Variants in EXOC1 observed in about 807,000 individuals in gnomAD.
The protein encoded by EXOC1 is exocyst complex component 1, also known as SEC3-like 1.
In EXOC1, 67 loss-of-function variants were observed where a neutral mutation model predicts 107.7. That is an observed-to-expected ratio of 0.62 (90% CI 0.51 to 0.76). The LOEUF (loss-of-function observed/expected upper bound fraction) is 0.76, where lower values mean the gene tolerates loss of function less well. EXOC1 is among the 30% of genes least tolerant of loss of function. EXOC1 has a pLI of 0.00. For missense variants in EXOC1, 833 were observed against 1,055.7 expected (o/e 0.79, Z 2.92); for synonymous variants, 348 against 353.5 (o/e 0.98, Z 0.17).
At chr4:55,857,341 G>A (rs1204464541) in intron 1 of EXOC1, among the ~76,000 whole-genome samples, 3 of 151,088 alleles carry the variant, frequency 2.0e-5, no homozygotes, top group Admixed American at 6.6e-5. Context: ...CACCATGCCC[G>A]GCTAATTTTT....
At position 55,862,756 on chromosome 4, in the gene EXOC1, A is replaced by G. The variant is rs28507328; in HGVS notation, c.256-1471A>G. Among the ~76,000 whole-genome samples the G allele has an allele frequency of 6.6e-3, 1,011 of 152,268 alleles. 12 individuals carry two copies. Among genetic ancestry groups the G allele is most frequent in the African/African-American group, 0.023 (970 of 41,550 alleles). On this transcript the variant is annotated intron_variant, in intron 3 of 18. Transcript: ENST00000381295. Reference sequence around the variant, plus strand: ...AGTCTGATATAACTTCCCTTACTTTAATGTATTTACATTTCCCCCAAATAA... The same window carrying G: ...AGTCTGATATAACTTCCCTTACTTTGATGTATTTACATTTCCCCCAAATAA...
chr4:55,864,453 C>T, intron 4 of EXOC1, 67 bp downstream of exon 4: 2 of 1,292,056 alleles, frequency 1.5e-6, no homozygotes, highest in Admixed American at 2.4e-5. Context: ...AATTTGACAT[C>T]ATTCAAATTA....
chr4:55,904,651 A>G lies in EXOC1; in HGVS notation c.*156A>G. ...GTAGTACCATACTACAAATATTTAA[A>G]TGCAAAATTACCAACCTATATAGCA... On this transcript the variant is annotated 3_prime_UTR_variant, in exon 19 of 19. Coordinates refer to ENST00000381295, the MANE Select transcript of EXOC1 (RefSeq NM_001024924.2). The G allele has an allele frequency of 7.5e-6, 5 of 668,282 alleles. No individual in the cohort carries two copies. The highest frequency in any genetic ancestry group is 1.1e-5 in the Non-Finnish European group (5 of 450,186). 41.4% of individuals were successfully genotyped at this position (668,282 alleles called of 1,614,324 possible).
chr4:55,880,779 A>G (rs1009319261), intron 9 of EXOC1, among the ~76,000 whole-genome samples: 1 of 152,160 alleles, frequency 6.6e-6, no homozygotes, highest in African/African-American at 2.4e-5. Flanking sequence ...TGCTCAGAGT[A>G]TATTTTTGAT....
intron 4 of EXOC1, 146 bp downstream of exon 4, chr4:55,864,532 T>C (rs1464375577): frequency 1.4e-6 from 1 of 723,870 alleles, no homozygotes; most frequent in Non-Finnish European, 2.2e-6. Flanking sequence ...GAAATTATGC[T>C]TGTTTATTGT....
chr4:55,897,807 G>C (rs1003063727), intron 16 of EXOC1, among the ~76,000 whole-genome samples: 1 of 152,084 alleles, frequency 6.6e-6, no homozygotes, highest in Admixed American at 6.5e-5. Flanking sequence ...ATAGAGACAG[G>C]GTTTCACCAT....
At chr4:55,866,321 C>CT (rs888962202) in intron 4 of EXOC1, among the ~76,000 whole-genome samples, 3 of 151,750 alleles carry the variant, frequency 2.0e-5, no homozygotes, top group South Asian at 4.2e-4. Context: ...TTTATTTGGC[C>CT]TTTTTTTTCA....
intron 1 of EXOC1, 81 bp downstream of exon 1, chr4:55,854,034 C>G (rs952696489): frequency 6.6e-6 from 1 of 152,268 alleles, no homozygotes; most frequent in African/African-American, 2.4e-5. Context: ...GGGCAGTCCT[C>G]ACGGGCCCCA....
intron 4 of EXOC1, chr4:55,866,810 T>C: frequency 1.0e-6 from 1 of 954,582 alleles, no homozygotes; most frequent in Non-Finnish European, 1.2e-6. Context: ...TGTTTACTTT[T>C]CTACCCAGCT....
At chr4:55,889,459 A>G (rs1258095607) in intron 11 of EXOC1, among the ~76,000 whole-genome samples, 1 of 152,140 alleles carries the variant, frequency 6.6e-6, no homozygotes, top group African/African-American at 2.4e-5. Flanking sequence ...ATTGCCAGCT[A>G]TATGTTCTCA....
intron 9 of EXOC1, among the ~76,000 whole-genome samples, chr4:55,881,373 T>C (rs1244203955): frequency 6.6e-6 from 1 of 152,164 alleles, no homozygotes; most frequent in African/African-American, 2.4e-5. Flanking sequence ...ACCTCAGTTT[T>C]ACATTTGTAG....
At chr4:55,899,521 G>A (rs1725645374) in intron 16 of EXOC1, among the ~76,000 whole-genome samples, 164 bp from the exon 17 acceptor site, 1 of 151,984 alleles carries the variant, frequency 6.6e-6, no homozygotes, top group Admixed American at 6.6e-5. Context: ...TTTTTATTAT[G>A]ATTAGGTAGA....
chr4:55,877,576 G>T, intron 8 of EXOC1: 8 of 985,300 alleles, frequency 8.1e-6, no homozygotes, highest in Non-Finnish European at 9.6e-6. Context: ...ATATCAAGAA[G>T]GTCATTTGCT....
chr4:55,883,753 G>A, intron 9 of EXOC1, 70 bp from the exon 10 acceptor site: 2 of 904,738 alleles, frequency 2.2e-6, no homozygotes, highest in Middle Eastern at 3.4e-4. Context: ...TGAAGGACTT[G>A]GGGAATTGAA....
At chr4:55,897,234 C>G (rs1269999471) in intron 16 of EXOC1, among the ~76,000 whole-genome samples, 1 of 151,596 alleles carries the variant, frequency 6.6e-6, no homozygotes, top group East Asian at 2.0e-4. Context: ...TCAAAAGATC[C>G]TCCTACCTCA....
Position 55,870,911 on chromosome 4 carries a change from T to C in EXOC1, c.831+6T>C, listed in dbSNP as rs751053841. The C allele has an allele frequency of 6.2e-7, 1 of 1,602,792 alleles. No individual in the cohort carries two copies. The highest frequency in any genetic ancestry group is 1.3e-5 in the African/African-American group (1 of 74,306). On this transcript the variant is annotated splice_donor_region_variant and intron_variant, in intron 6 of 18. Transcript: ENST00000381295. ...CTGAGATAGAGTTCCTTGTGGTAAG[T>C]ATGATCATAAATTACCAACAAAAAA...
intron 1 of EXOC1, among the ~76,000 whole-genome samples, chr4:55,855,100 T>C (rs1720837014): frequency 6.6e-6 from 1 of 152,210 alleles, no homozygotes; most frequent in Admixed American, 6.5e-5. Context: ...ATGTCCAAAA[T>C]GAACAGAGTG....
intron 3 of EXOC1, among the ~76,000 whole-genome samples, chr4:55,863,953 A>G (rs7668978): frequency 0.015 from 2,269 of 152,326 alleles, 39 homozygotes; most frequent in African/African-American, 0.046. Flanking sequence ...GCTAAGCCAC[A>G]AAGCCATTAA....
intron 4 of EXOC1, chr4:55,866,755 A>T (rs1244147639): frequency 2.0e-6 from 1 of 490,350 alleles, no homozygotes; most frequent in African/African-American, 2.1e-5. Flanking sequence ...GAACTTTAAC[A>T]TGAAGTTCAA....
Sources: gnomAD v4.1 joint callset for allele counts (sites outside exome capture counted in the v4.1 genomes callset) on GRCh38, gnomAD v4.1.1 for gene constraint, MANE v1.5 for transcripts, NCBI Gene and HGNC (gene_info 2026-07-23, HGNC 2026-07-21) for gene names.